Variants in ERG observed in about 807,000 individuals in gnomAD.
The protein encoded by ERG is transcriptional regulator ERG.
Under a neutral mutation model 55.3 loss-of-function variants are expected in ERG, and 9 were observed. That is an observed-to-expected ratio of 0.16 (90% CI 0.10 to 0.28). The LOEUF (loss-of-function observed/expected upper bound fraction) is 0.28. Ranked by LOEUF, ERG falls within the 10% of genes least tolerant of loss-of-function variation. The pLI, the probability that ERG is intolerant of heterozygous loss-of-function variation, is 1.00. For missense variants in ERG, 434 were observed against 631.6 expected, an observed-to-expected ratio of 0.69 and a Z score of 3.35; for synonymous variants, 223 against 237.3, an observed-to-expected ratio of 0.94 and a Z score of 0.55.
intron 1 of ERG, among the ~76,000 whole-genome samples, chr21:38,577,745 G>A (rs1343322187): frequency 6.6e-6 from 1 of 152,206 alleles, no homozygotes; most frequent in Non-Finnish European, 1.5e-5. Flanking sequence ...CACAAAGGGA[G>A]GGCGTCCCAC....
intron 2 of ERG, among the ~76,000 whole-genome samples, chr21:38,518,240 CTA>C (rs2059567244): frequency 4.7e-3 from 36 of 7,738 alleles, no homozygotes; most frequent in African/African-American, 0.022. Flanking sequence ...GTGTGTGTAT[CTA>C]TCTATCTATC....
chr21:38,537,515 G>C (rs1275980652), intron 2 of ERG, among the ~76,000 whole-genome samples: 1 of 151,910 alleles, frequency 6.6e-6, no homozygotes, highest in African/African-American at 2.4e-5. Flanking sequence ...AATGGGCAAA[G>C]GACTTGAACA....
chr21:38,389,680 G>A (rs1428364164), intron 9 of ERG, among the ~76,000 whole-genome samples: 15 of 151,080 alleles, frequency 9.9e-5, no homozygotes, highest in Non-Finnish European at 2.2e-4. Context: ...GTGGCTCTGT[G>A]TTTGGGACAA....
chr21:38,606,065 TAG>T (rs146994753), intron 1 of ERG, among the ~76,000 whole-genome samples: 5 of 151,730 alleles, frequency 3.3e-5, no homozygotes, highest in Middle Eastern at 3.4e-3. Context: ...TGATAAATGA[TAG>T]AGAGAGAGAT....
At chr21:38,502,014 T>C (rs1354852520), upstream of ERG, among the ~76,000 whole-genome samples, 1 of 152,218 alleles carries the variant, frequency 6.6e-6, no homozygotes, top group African/African-American at 2.4e-5. Flanking sequence ...CTGTATGGAA[T>C]ATGGGGAGGA....
chr21:38,558,117 A>G (rs2146829996), intron 2 of ERG, among the ~76,000 whole-genome samples: 1 of 152,178 alleles, frequency 6.6e-6, no homozygotes, highest in South Asian at 2.1e-4. Flanking sequence ...GTACCAGACT[A>G]TTAAGGCAGA....
At chr21:38,574,652 G>T (rs530294567) in intron 2 of ERG, among the ~76,000 whole-genome samples, 4 of 152,156 alleles carry the variant, frequency 2.6e-5, no homozygotes, top group African/African-American at 9.7e-5. Flanking sequence ...ATTTTGAAAG[G>T]CTTTTTATAT....
At chr21:38,558,736 G>A (rs2059873715) in intron 2 of ERG, among the ~76,000 whole-genome samples, 3 of 152,122 alleles carry the variant, frequency 2.0e-5, no homozygotes, top group African/African-American at 4.8e-5. Context: ...CTTAACACAC[G>A]GAGGTGACAG....
intron 1 of ERG, among the ~76,000 whole-genome samples, chr21:38,601,563 G>T (rs1476488200): frequency 6.6e-6 from 1 of 152,158 alleles, no homozygotes; most frequent in Non-Finnish European, 1.5e-5. Flanking sequence ...ACTAAATATT[G>T]TTCCTGTATA....
intron 4 of ERG, among the ~76,000 whole-genome samples, chr21:38,403,134 C>T (rs141467143): frequency 2.4e-3 from 370 of 152,284 alleles, no homozygotes; most frequent in African/African-American, 8.1e-3. Context: ...CTAATTCCTA[C>T]GAAAGAGAAG....
At chr21:38,487,071 G>A (rs1377902027) in intron 1 of ERG, among the ~76,000 whole-genome samples, 2 of 150,188 alleles carry the variant, frequency 1.3e-5, no homozygotes, top group African/African-American at 4.9e-5. Flanking sequence ...TCTTAAGAAG[G>A]AAAATGGGCC....
intron 1 of ERG, among the ~76,000 whole-genome samples, chr21:38,598,792 A>G (rs112586707): frequency 0.019 from 2,884 of 152,346 alleles, 37 homozygotes; most frequent in African/African-American, 0.043. Context: ...GTTTCTGCAC[A>G]GTATAAATCC....
At chr21:38,580,419 A>T (rs1419099162) in intron 1 of ERG, among the ~76,000 whole-genome samples, 2 of 152,218 alleles carry the variant, frequency 1.3e-5, no homozygotes, top group East Asian at 3.8e-4. Flanking sequence ...CATACTAAAA[A>T]TTTTTAGTAG....
At chr21:38,537,203 T>C (rs879431054) in intron 2 of ERG, among the ~76,000 whole-genome samples, 2 of 152,244 alleles carry the variant, frequency 1.3e-5, no homozygotes, top group Non-Finnish European at 2.9e-5. Context: ...AAAATTCTTA[T>C]GAGAAAACTC....
chr21:38,560,884 G>A (rs1215322715), intron 2 of ERG, among the ~76,000 whole-genome samples: 1 of 152,152 alleles, frequency 6.6e-6, no homozygotes, highest in East Asian at 1.9e-4. Flanking sequence ...TATGTAACAT[G>A]CTACTTTCAG....
intron 2 of ERG, among the ~76,000 whole-genome samples, chr21:38,546,468 TTTTCCACAATCACAATA>T (rs1478202787): frequency 6.6e-6 from 1 of 152,128 alleles, no homozygotes; most frequent in African/African-American, 2.4e-5. Context: ...ATGCAATACG[TTTTCCACAATCACAATA>T]TTTCCACAAT....
chr21:38,441,489 T>C (rs1053927058), intron 2 of ERG, among the ~76,000 whole-genome samples: 1 of 152,122 alleles, frequency 6.6e-6, no homozygotes, highest in Non-Finnish European at 1.5e-5. Flanking sequence ...ACAACTGCAT[T>C]AGCCAATTCC....
At chr21:38,387,488 G>A (rs1569056669) in intron 9 of ERG, among the ~76,000 whole-genome samples, 2 of 152,190 alleles carry the variant, frequency 1.3e-5, no homozygotes, top group Admixed American at 6.5e-5. Flanking sequence ...CCCTTTGTGG[G>A]ACGTTTGGCA....
chr21:38,560,175 C>G (rs2059884268), intron 2 of ERG, among the ~76,000 whole-genome samples: 1 of 152,066 alleles, frequency 6.6e-6, no homozygotes, highest in South Asian at 2.1e-4. Context: ...AAATTTGCAA[C>G]AACAACAAAA....
Sources: gnomAD v4.1 joint callset for allele counts (sites outside exome capture counted in the v4.1 genomes callset) on GRCh38, gnomAD v4.1.1 for gene constraint, MANE v1.5 for transcripts, NCBI Gene and HGNC (gene_info 2026-07-23, HGNC 2026-07-21) for gene names.